TMEM232: variants seen among roughly 807,000 people sequenced by gnomAD.
The protein encoded by TMEM232 is transmembrane protein 232.
In TMEM232, 80 loss-of-function variants were observed where a neutral mutation model predicts 78.8. The observed-to-expected ratio is 1.01, with a 90% CI of 0.85 to 1.22. The LOEUF is 1.22. Ranked by LOEUF, TMEM232 falls within the 50% of genes most tolerant of loss-of-function variation. The pLI, the probability that TMEM232 is intolerant of heterozygous loss-of-function variation, is 0.00. For synonymous variants in TMEM232, 297 were observed against 254.3 expected (o/e 1.17, Z -1.60); for missense variants, 881 against 742.2 (o/e 1.19, Z -2.17).
intron 12 of TMEM232, among the ~76,000 whole-genome samples, chr5:110,435,278 T>TTTTAATGTTTAAAAATTTAAACA (rs910564974): frequency 1.3e-4 from 19 of 151,814 alleles, no homozygotes; most frequent in East Asian, 5.8e-4. Flanking sequence ...ACTTTAAGTT[T>TTTTAATGTTTAAAAATTTAAACA]TTTAATGTTT....
chr5:110,504,891 G>T (rs1351054999), intron 12 of TMEM232, among the ~76,000 whole-genome samples: 1 of 152,188 alleles, frequency 6.6e-6, no homozygotes, highest in Non-Finnish European at 1.5e-5. Flanking sequence ...GCCCAGGCAA[G>T]TTGACACATA....
At chr5:110,656,735 G>A (rs955329411) in intron 2 of TMEM232, among the ~76,000 whole-genome samples, 4 of 151,898 alleles carry the variant, frequency 2.6e-5, no homozygotes, top group Non-Finnish European at 5.9e-5. Context: ...CTACTCAGGA[G>A]GCTGAGGCAG....
intron 11 of TMEM232, among the ~76,000 whole-genome samples, chr5:110,558,851 C>A (rs981978147): frequency 6.6e-6 from 1 of 152,144 alleles, no homozygotes; most frequent in Admixed American, 6.6e-5. Flanking sequence ...AGGTCCATGG[C>A]AAGAGTGGGC....
At chr5:110,404,286 A>G (rs1283913865) in intron 2 of TMEM232, among the ~76,000 whole-genome samples, 1 of 151,960 alleles carries the variant, frequency 6.6e-6, no homozygotes, top group African/African-American at 2.4e-5. Context: ...TTGCTTTCTG[A>G]GCCTACTGTG....
chr5:110,401,852 C>T lies in TMEM232; in HGVS notation n.309-3998G>A, dbSNP rs561217311. Among the ~76,000 whole-genome samples, 70 of 152,176 alleles carry T rather than the reference C, an allele frequency of 4.6e-4. 1 individual carries two copies. Among genetic ancestry groups the T allele is most frequent in the African/African-American group, 1.6e-3 (65 of 41,542 alleles). ...GAAGATATAGGCAATACTGAGCCAGCCGTCTGACAAGCGGTGATTGTCCAG... is the reference window on the plus strand; with the variant it reads ...GAAGATATAGGCAATACTGAGCCAGTCGTCTGACAAGCGGTGATTGTCCAG... On this transcript the variant is annotated intron_variant and non_coding_transcript_variant, in intron 2 of 8. Coordinates refer to the TMEM232 transcript ENST00000507188.
Position 110,636,423 on chromosome 5 carries a change from C to T in TMEM232, c.501+1775G>A, listed in dbSNP as rs1785841814. ...AAGAGAGGATTTGAAATGATGCAAACACATAGAAATAATAAATACTCAAAG... is the reference window on the plus strand; with the variant it reads ...AAGAGAGGATTTGAAATGATGCAAATACATAGAAATAATAAATACTCAAAG... On this transcript the variant is annotated intron_variant, in intron 5 of 13. Transcript: ENST00000455884. Among the ~76,000 whole-genome samples, 3 of 151,908 alleles carry T rather than the reference C, an allele frequency of 2.0e-5. No individual in the cohort carries two copies. In the South Asian group the frequency reaches 6.2e-4, roughly 32 times the overall value.
chr5:110,461,112 T>C (rs1312147992), intron 12 of TMEM232, among the ~76,000 whole-genome samples: 3 of 152,108 alleles, frequency 2.0e-5, no homozygotes, highest in African/African-American at 7.2e-5. Flanking sequence ...TAGAAATGAT[T>C]AGGCTTAGTA....
chr5:110,539,287 C>A (rs552517818), intron 11 of TMEM232, among the ~76,000 whole-genome samples: 67 of 152,146 alleles, frequency 4.4e-4, no homozygotes, highest in Non-Finnish European at 9.0e-4. Flanking sequence ...GTATTACTTA[C>A]CCATCGACTC....
intron 11 of TMEM232, among the ~76,000 whole-genome samples, chr5:110,549,722 C>T (rs973643571): frequency 6.6e-6 from 1 of 150,488 alleles, no homozygotes; most frequent in Non-Finnish European, 1.5e-5. Context: ...GTGGATATCA[C>T]ACCAGATTTT....
At chr5:110,554,250 G>C (rs1166761081) in intron 11 of TMEM232, among the ~76,000 whole-genome samples, 3 of 152,056 alleles carry the variant, frequency 2.0e-5, no homozygotes, top group African/African-American at 7.2e-5. Flanking sequence ...ATATAAGCAG[G>C]CAGAAAAATG....
chr5:110,565,417 A>G (rs1776221205), intron 11 of TMEM232, among the ~76,000 whole-genome samples: 2 of 151,870 alleles, frequency 1.3e-5, no homozygotes, highest in South Asian at 4.1e-4. Flanking sequence ...AGCCATTTGA[A>G]CCCAGGCAAC....
chr5:110,453,726 A>G (rs1266820443), intron 12 of TMEM232, among the ~76,000 whole-genome samples: 1 of 152,156 alleles, frequency 6.6e-6, no homozygotes, highest in African/African-American at 2.4e-5. Flanking sequence ...ACTTTGGTAT[A>G]AACCTTGGTT....
chr5:110,612,022 C>G (rs1399840885), intron 8 of TMEM232, among the ~76,000 whole-genome samples: 2 of 152,082 alleles, frequency 1.3e-5, no homozygotes, highest in Non-Finnish European at 2.9e-5. Context: ...GAGGCAGGAG[C>G]CTGACTGGGG....
chr5:110,493,666 C>G (rs1482039596), intron 12 of TMEM232, among the ~76,000 whole-genome samples: 3 of 151,994 alleles, frequency 2.0e-5, no homozygotes, highest in Non-Finnish European at 2.9e-5. Flanking sequence ...GCCATGACTT[C>G]AAGTCTTTTA....
At chr5:110,488,550 G>A (rs560923090) in intron 12 of TMEM232, among the ~76,000 whole-genome samples, 1 of 151,938 alleles carries the variant, frequency 6.6e-6, no homozygotes, top group African/African-American at 2.4e-5. Context: ...AAACACAACA[G>A]ACCAGAATTT....
At chr5:110,610,660 C>G (rs1782151540) in intron 8 of TMEM232, 1 of 402,100 alleles carries the variant, frequency 2.5e-6, no homozygotes, top group South Asian at 1.8e-5. Context: ...AAAGATGTTC[C>G]TAAAAAATTC....
intron 11 of TMEM232, among the ~76,000 whole-genome samples, chr5:110,557,475 C>A (rs73222658): frequency 1.3e-3 from 203 of 152,090 alleles, no homozygotes; most frequent in Middle Eastern, 3.4e-3. Flanking sequence ...ACTGCTATAA[C>A]GAAATACCTG....
chr5:110,436,925 G>A (rs1758499331), intron 12 of TMEM232, among the ~76,000 whole-genome samples: 1 of 151,840 alleles, frequency 6.6e-6, no homozygotes, highest in Non-Finnish European at 1.5e-5. Flanking sequence ...GGATGGCTTT[G>A]GCTATTCTGG....
At chr5:110,535,441 G>A (rs1191968446) in intron 11 of TMEM232, among the ~76,000 whole-genome samples, 1 of 152,084 alleles carries the variant, frequency 6.6e-6, no homozygotes, top group Non-Finnish European at 1.5e-5. Flanking sequence ...CAGCCCGCCT[G>A]CACCCAGGTG....
Sources: gnomAD v4.1 joint callset for allele counts (sites outside exome capture counted in the v4.1 genomes callset) on GRCh38, gnomAD v4.1.1 for gene constraint, MANE v1.5 for transcripts, NCBI Gene and HGNC (gene_info 2026-07-23, HGNC 2026-07-21) for gene names.